The following NFAT5 variants were observed in gnomAD, a reference collection of about 807,000 sequenced individuals.
NFAT5 encodes nuclear factor of activated T cells 5, also known as nuclear factor of activated T-cells 5.
A neutral mutation model predicts 166.5 loss-of-function variants in NFAT5; 31 were observed. The observed-to-expected ratio is 0.19, with a 90% confidence interval of 0.14 to 0.25. The LOEUF is 0.25. Among genes scored for constraint, NFAT5 ranks in the 10% least tolerant of loss-of-function variants. NFAT5 has a pLI of 1.00. For missense variants in NFAT5, 1,449 were observed against 1,821.8 expected, an observed-to-expected ratio of 0.80 and a Z score of 3.72; for synonymous variants, 612 against 639.7, an observed-to-expected ratio of 0.96 and a Z score of 0.65.
At chr16:69,584,156 G>A (rs558716729) in intron 2 of NFAT5, among the ~76,000 whole-genome samples, 211 of 152,262 alleles carry the variant, frequency 1.4e-3, no homozygotes, top group Non-Finnish European at 2.4e-3. Flanking sequence ...AACCCTGGAG[G>A]TGGAAGTTGC....
intron 2 of NFAT5, among the ~76,000 whole-genome samples, chr16:69,575,754 A>C (rs2142912005): frequency 6.6e-6 from 1 of 152,366 alleles, no homozygotes; most frequent in East Asian, 1.9e-4. Context: ...GTAATAATTG[A>C]AAACCTTTTT....
At chr16:69,623,853 GAAA>G (rs79354297) in intron 2 of NFAT5, among the ~76,000 whole-genome samples, 2,565 of 117,232 alleles carry the variant, frequency 0.022, 90 homozygotes, top group African/African-American at 0.066. Context: ...AAGGAAATTT[GAAA>G]AAAAAAAAAA....
chr16:69,631,752 A>G (rs1282487831), intron 3 of NFAT5, among the ~76,000 whole-genome samples: 1 of 151,920 alleles, frequency 6.6e-6, no homozygotes, highest in Non-Finnish European at 1.5e-5. Context: ...CAGCCTCCCG[A>G]GTAACTGGGA....
At chr16:69,653,492 G>T (rs2151633138) in intron 5 of NFAT5, 64 bp downstream of exon 5, 1 of 947,586 alleles carries the variant, frequency 1.1e-6, no homozygotes, top group Non-Finnish European at 1.5e-6. Context: ...AATATGTCCT[G>T]AAAAGTAAAA....
At chr16:69,653,458 A>G (rs2035756965) in intron 5 of NFAT5, 30 bp downstream of exon 5, 1 of 1,357,208 alleles carries the variant, frequency 7.4e-7, no homozygotes, top group African/African-American at 1.5e-5. Context: ...TTTGAATTTT[A>G]GTTAAAATGT....
chr16:69,572,282 CAT>C (rs2016488350), intron 2 of NFAT5, among the ~76,000 whole-genome samples: 1 of 152,142 alleles, frequency 6.6e-6, no homozygotes, highest in Middle Eastern at 3.2e-3. Context: ...CCATAATTAA[CAT>C]GTGACACTCT....
chr16:69,587,344 A>T (rs2032138635), intron 2 of NFAT5, among the ~76,000 whole-genome samples: 1 of 142,624 alleles, frequency 7.0e-6, no homozygotes. Flanking sequence ...CCAAGGTGCT[A>T]GGATTACAGG....
At position 69,691,740 on chromosome 16, in the gene NFAT5, A is replaced by T; in HGVS notation, c.1924-9A>T. 1 of 1,583,448 alleles carries T rather than the reference A, an allele frequency of 6.3e-7. No individual in the cohort carries two copies. Among genetic ancestry groups the T allele is most frequent in the Non-Finnish European group, 8.6e-7 (1 of 1,168,602 alleles). Reference sequence around the variant, plus strand: ...ATATTCATAATATTTGGGGATTTTTATTTTTTAGACTACAAAGTCTGTTGG... The same window carrying T: ...ATATTCATAATATTTGGGGATTTTTTTTTTTTAGACTACAAAGTCTGTTGG... On this transcript the variant is annotated splice_polypyrimidine_tract_variant and intron_variant, in intron 12 of 14. Coordinates refer to ENST00000349945, the MANE Select transcript of NFAT5 (RefSeq NM_138713.4).
chr16:69,625,553 A>C (rs1048754116), intron 2 of NFAT5, among the ~76,000 whole-genome samples: 5 of 151,554 alleles, frequency 3.3e-5, no homozygotes, highest in African/African-American at 1.2e-4. Context: ...TTAAGCTTCA[A>C]TCCACAAAGT....
chr16:69,653,142 G>T, intron 4 of NFAT5, 94 bp from the exon 5 acceptor site: 5 of 778,522 alleles, frequency 6.4e-6, no homozygotes, highest in South Asian at 2.0e-5. Flanking sequence ...TACTATTATT[G>T]CCAGTTCTGT....
chr16:69,659,140 T>A lies in NFAT5; in HGVS notation c.1197-587T>A, dbSNP rs556287153. Among the ~76,000 whole-genome samples, 339 of 151,878 alleles carry A rather than the reference T, an allele frequency of 2.2e-3. 2 individuals carry two copies. The highest frequency in any genetic ancestry group is 5.8e-3 in the South Asian group (28 of 4,820). On this transcript the variant is annotated intron_variant, in intron 6 of 14. Transcript: ENST00000349945. ...AATGTATTTTTTTATTTTTTTTTTT[T>A]TTTTAAAAAAAAGGTCTCTGGCCAG...
rs929928323 is a variant in NFAT5, at chr16:69,662,457, T to C, written c.1369+2558T>C. 8.4e-3 allele frequency among the ~76,000 whole-genome samples: 1,197 copies of C among 141,856 alleles called. 13 individuals are homozygous for C. The highest frequency in any genetic ancestry group is 0.03 in the African/African-American group (1,143 of 37,818). The allele number at this position is 141,856 out of a possible 152,430, so 93.1% of individuals were successfully genotyped here. On this transcript the variant is annotated intron_variant, in intron 7 of 14. Transcript: ENST00000349945. ...GGTAGACAACACCTCTTTCTTTTTT[T>C]TTTTTTTTTTTTTTTTTGAGACGGA...
chr16:69,645,964 T>C (rs926701048), intron 3 of NFAT5, among the ~76,000 whole-genome samples: 12 of 152,308 alleles, frequency 7.9e-5, no homozygotes, highest in African/African-American at 2.9e-4. Context: ...TAAATCTTTC[T>C]TGCTAGGCAT....
Position 69,644,918 on chromosome 16 carries a change from C to A in NFAT5, c.254-2110C>A, listed in dbSNP as rs2035372006. 1.4e-5 allele frequency: 6 copies of A among 440,674 alleles called. 1 individual carries two copies. Among genetic ancestry groups the A allele is most frequent in the South Asian group, 6.5e-5 (4 of 61,362 alleles). 27.3% of individuals were successfully genotyped at this position (440,674 alleles called of 1,614,324 possible). A position where few individuals can be genotyped will look rare whatever the true frequency, so the allele number is the denominator to read the frequency against. On this transcript the variant is annotated intron_variant, in intron 3 of 14. Coordinates refer to ENST00000349945, the MANE Select transcript of NFAT5 (RefSeq NM_138713.4). ...TCACAGCATTCATGTTTTGTGTGTTCCACTGCAAATATTGCATGCTGCATA... is the reference window on the plus strand; with the variant it reads ...TCACAGCATTCATGTTTTGTGTGTTACACTGCAAATATTGCATGCTGCATA...
At chr16:69,617,101 G>A (rs559496753) in intron 2 of NFAT5, among the ~76,000 whole-genome samples, 2 of 151,746 alleles carry the variant, frequency 1.3e-5, no homozygotes, top group African/African-American at 2.4e-5. Context: ...CCACCATCAC[G>A]CCCGGCTAAT....
intron 11 of NFAT5, chr16:69,685,188 ATATT>A (rs201233380): frequency 0.018 from 1,705 of 93,472 alleles, 23 homozygotes; most frequent in East Asian, 0.084. Context: ...ATATATATAT[ATATT>A]TTTTTTTTTA....
chr16:69,629,703 C>T (rs1015560121), intron 3 of NFAT5, among the ~76,000 whole-genome samples: 2 of 151,186 alleles, frequency 1.3e-5, no homozygotes, highest in African/African-American at 4.9e-5. Flanking sequence ...CAACCTTCAA[C>T]TACTGGGCTC....
chr16:69,628,213 AAT>A (rs1426347816), intron 3 of NFAT5, among the ~76,000 whole-genome samples: 1 of 151,858 alleles, frequency 6.6e-6, no homozygotes, highest in African/African-American at 2.4e-5. Flanking sequence ...TTGGGTCCCT[AAT>A]GAAATATTAA....
intron 11 of NFAT5, 105 bp from the exon 12 acceptor site, chr16:69,690,835 C>G: frequency 1.0e-6 from 1 of 960,656 alleles, no homozygotes; most frequent in Admixed American, 2.9e-5. Flanking sequence ...ATTGTAGCAT[C>G]AAAAAAATAG....
Sources: gnomAD v4.1 joint callset for allele counts (sites outside exome capture counted in the v4.1 genomes callset) on GRCh38, gnomAD v4.1.1 for gene constraint, MANE v1.5 for transcripts, NCBI Gene and HGNC (gene_info 2026-07-23, HGNC 2026-07-21) for gene names.